Variants in SRGAP2 observed in about 807,000 individuals in gnomAD.
SRGAP2 encodes the protein SLIT-ROBO Rho GTPase-activating protein 2.
Under a neutral mutation model 57.2 loss-of-function variants are expected in SRGAP2, and 15 were observed. The ratio of observed to expected loss-of-function variants is 0.26; its 90% CI spans 0.18 to 0.40. The LOEUF (loss-of-function observed/expected upper bound fraction) is 0.40. Ranked by LOEUF, SRGAP2 falls within the 10% of genes least tolerant of loss-of-function variation. The pLI is 1.00. For synonymous variants in SRGAP2, 249 were observed against 248.0 expected, an observed-to-expected ratio of 1.00 and a Z score of -0.04; for missense variants, 520 against 669.6, an observed-to-expected ratio of 0.78 and a Z score of 2.47.
At chr1:206,347,915 G>T (rs868954333) in intron 4 of SRGAP2, among the ~76,000 whole-genome samples, 1 of 151,836 alleles carries the variant, frequency 6.6e-6, no homozygotes, top group African/African-American at 2.4e-5. Flanking sequence ...ACTCCCCAGG[G>T]GCAAAATATC....
chr1:206,267,585 A>C (rs1489279898), intron 2 of SRGAP2, among the ~76,000 whole-genome samples: 2 of 152,014 alleles, frequency 1.3e-5, no homozygotes, highest in Non-Finnish European at 2.9e-5. Flanking sequence ...TCCAGTATGC[A>C]GTTAAAAACA....
intron 4 of SRGAP2, among the ~76,000 whole-genome samples, chr1:206,372,805 A>C (rs1301012012): frequency 2.4e-5 from 2 of 83,376 alleles, no homozygotes; most frequent in African/African-American, 4.7e-5. Context: ...TACACTTTAA[A>C]TATAAGGATA....
intron 2 of SRGAP2, among the ~76,000 whole-genome samples, chr1:206,241,066 C>G (rs1265765722): frequency 6.6e-6 from 1 of 152,164 alleles, no homozygotes; most frequent in African/African-American, 2.4e-5. Context: ...CACCTGTGGT[C>G]CCAGCTACTT....
intron 10 of SRGAP2, chr1:206,408,148 GA>G (rs2103175302): frequency 9.0e-6 from 1 of 111,152 alleles, no homozygotes; most frequent in Admixed American, 1.0e-4. Context: ...ATAAGATAAA[GA>G]GGGAAATGAT....
chr1:206,391,607 ACACACATG>A (rs1656960102), intron 5 of SRGAP2, among the ~76,000 whole-genome samples: 1 of 103,910 alleles, frequency 9.6e-6, no homozygotes. Flanking sequence ...TGTGTTACAC[ACACACATG>A]CACACACACA....
intron 19 of SRGAP2, among the ~76,000 whole-genome samples, chr1:206,452,402 TA>T (rs1384179038): frequency 5.3e-5 from 8 of 152,320 alleles, no homozygotes; most frequent in Middle Eastern, 3.4e-3. Flanking sequence ...TTCTACTTAC[TA>T]GGGGGAATGG....
At chr1:206,421,718 C>T (rs2244510) in intron 13 of SRGAP2, among the ~76,000 whole-genome samples, 93,226 of 152,106 alleles carry the variant, frequency 0.61, 30,550 homozygotes, top group African/African-American at 0.85. Context: ...TCTAGATGGA[C>T]TCCTAAGACA....
intron 13 of SRGAP2, among the ~76,000 whole-genome samples, chr1:206,427,637 A>C (rs1660911196): frequency 6.6e-6 from 1 of 151,666 alleles, no homozygotes; most frequent in Non-Finnish European, 1.5e-5. Flanking sequence ...ATTCAGAGCC[A>C]GGGGGGGGAT....
chr1:206,318,771 T>C (rs1209367468), intron 3 of SRGAP2, among the ~76,000 whole-genome samples: 24 of 152,042 alleles, frequency 1.6e-4, no homozygotes, highest in African/African-American at 4.8e-4. Flanking sequence ...CAACCAGATC[T>C]CTTGTGAACT....
intron 2 of SRGAP2, among the ~76,000 whole-genome samples, chr1:206,237,517 C>T (rs1267763822): frequency 1.3e-5 from 2 of 151,960 alleles, no homozygotes; most frequent in African/African-American, 4.8e-5. Flanking sequence ...TAAGCTCCAC[C>T]ACTACAACCT....
chr1:206,332,470 T>C (rs1553332185), intron 3 of SRGAP2, among the ~76,000 whole-genome samples: 1 of 151,438 alleles, frequency 6.6e-6, no homozygotes, highest in African/African-American at 2.4e-5. Flanking sequence ...TTTGGTCTTT[T>C]CACATAGTCC....
chr1:206,444,457 T>C (rs1288006773), intron 17 of SRGAP2, among the ~76,000 whole-genome samples: 1 of 152,244 alleles, frequency 6.6e-6, no homozygotes, highest in African/African-American at 2.4e-5. Context: ...TGTTTCCCTT[T>C]GACCATCAGG....
chr1:206,374,181 C>G (rs575717254), intron 4 of SRGAP2, among the ~76,000 whole-genome samples: 1 of 151,426 alleles, frequency 6.6e-6, no homozygotes, highest in Non-Finnish European at 1.5e-5. Flanking sequence ...CCCGCCACTA[C>G]GCCCGGCTAA....
intron 10 of SRGAP2, among the ~76,000 whole-genome samples, chr1:206,409,962 G>T (rs113362319): frequency 1.3e-5 from 2 of 152,214 alleles, no homozygotes; most frequent in Middle Eastern, 6.8e-3. Context: ...TTAGCTGGGC[G>T]TGGTGGCGCA....
chr1:206,420,198 A>G (rs1553363868), intron 12 of SRGAP2, among the ~76,000 whole-genome samples: 1 of 152,202 alleles, frequency 6.6e-6, no homozygotes, highest in African/African-American at 2.4e-5. Flanking sequence ...CATAATAATT[A>G]TGAGGCCATT....
At chr1:206,210,572 A>T (rs1381247691) in intron 2 of SRGAP2, among the ~76,000 whole-genome samples, 1 of 149,144 alleles carries the variant, frequency 6.7e-6, no homozygotes, top group Non-Finnish European at 1.5e-5. Context: ...AGAGCAGGAG[A>T]TGAAATTTAA....
At chr1:206,309,564 G>A (rs1307416684) in intron 3 of SRGAP2, among the ~76,000 whole-genome samples, 1 of 151,118 alleles carries the variant, frequency 6.6e-6, no homozygotes, top group Non-Finnish European at 1.5e-5. Context: ...ACTGGATAAA[G>A]CATAGAACCA....
intron 3 of SRGAP2, among the ~76,000 whole-genome samples, chr1:206,341,622 C>T (rs1211917743): frequency 1.3e-5 from 2 of 151,658 alleles, no homozygotes; most frequent in African/African-American, 4.9e-5. Context: ...ATCCAACTTC[C>T]AAATGTAGAA....
At chr1:206,290,721 CTT>C (rs1219647728) in intron 2 of SRGAP2, among the ~76,000 whole-genome samples, 4 of 147,660 alleles carry the variant, frequency 2.7e-5, no homozygotes, top group African/African-American at 1.0e-4. Flanking sequence ...ATTCTAATAA[CTT>C]TATAAATATT....
Sources: allele counts gnomAD v4.1 joint callset (sites outside exome capture counted in the v4.1 genomes callset), GRCh38; gene constraint gnomAD v4.1.1; transcripts MANE v1.5; gene names NCBI Gene and HGNC (gene_info 2026-07-23, HGNC 2026-07-21).